KSR2: variants seen among roughly 807,000 people sequenced by gnomAD.
The protein encoded by KSR2 is kinase suppressor of ras 2.
A neutral mutation model predicts 107.8 loss-of-function variants in KSR2; 25 were observed. The ratio of observed to expected loss-of-function variants is 0.23; its 90% CI spans 0.17 to 0.32. KSR2 has a LOEUF of 0.32. Among genes scored for constraint, KSR2 ranks in the 10% least tolerant of loss-of-function variants. The pLI, the probability that KSR2 is intolerant of heterozygous loss-of-function variation, is 1.00. For synonymous variants in KSR2, 480 were observed against 507.0 expected (o/e 0.95, Z 0.71); for missense variants, 887 against 1,268.9 (o/e 0.70, Z 4.57).
Position 117,650,371 on chromosome 12 carries a change from G to A in KSR2, c.1171+17103C>T, listed in dbSNP as rs567482028. ...CAGCCTATTGTGGGACCTTGTGATCGTGTAAGTTAATATTTAATAAACTCA... is the reference window on the plus strand; with the variant it reads ...CAGCCTATTGTGGGACCTTGTGATCATGTAAGTTAATATTTAATAAACTCA... On this transcript the variant is annotated intron_variant, in intron 5 of 19. Coordinates refer to ENST00000339824, the MANE Select transcript of KSR2 (RefSeq NM_173598.6). Among the ~76,000 whole-genome samples the A allele has an allele frequency of 8.2e-4, 125 of 152,246 alleles. 1 individual carries two copies. In the South Asian group the frequency reaches 0.02, roughly 24 times the overall value.
chr12:117,477,747 A>G (rs1871877819), intron 16 of KSR2, among the ~76,000 whole-genome samples: 1 of 152,244 alleles, frequency 6.6e-6, no homozygotes, highest in African/African-American at 2.4e-5. Flanking sequence ...TAATTGGAAC[A>G]CATCATCCCA....
At chr12:117,738,610 C>T (rs914886079) in intron 4 of KSR2, among the ~76,000 whole-genome samples, 2 of 152,208 alleles carry the variant, frequency 1.3e-5, no homozygotes, top group African/African-American at 4.8e-5. Flanking sequence ...CATGGTGGCT[C>T]ATGCCTGTAA....
chr12:117,542,140 C>G (rs1019485126), intron 9 of KSR2, among the ~76,000 whole-genome samples: 7 of 152,030 alleles, frequency 4.6e-5, no homozygotes, highest in South Asian at 2.1e-4. Flanking sequence ...GATCCTCCCC[C>G]CTCAGCCTCC....
At chr12:117,803,650 C>T (rs1307944784) in intron 3 of KSR2, among the ~76,000 whole-genome samples, 1 of 152,150 alleles carries the variant, frequency 6.6e-6, no homozygotes, top group Non-Finnish European at 1.5e-5. Context: ...TTGCAATGAG[C>T]CGAGATCGCA....
chr12:117,769,910 C>T (rs980899354), intron 3 of KSR2, among the ~76,000 whole-genome samples: 2 of 152,042 alleles, frequency 1.3e-5, no homozygotes, highest in Admixed American at 6.6e-5. Flanking sequence ...AAAAATTAGC[C>T]AGGTATGGTG....
chr12:117,900,212 T>C (rs2137390820), intron 1 of KSR2, among the ~76,000 whole-genome samples: 1 of 152,354 alleles, frequency 6.6e-6, no homozygotes, highest in South Asian at 2.1e-4. Context: ...CCTTGACTAC[T>C]TATCCAGAGA....
intron 6 of KSR2, 118 bp downstream of exon 6, chr12:117,582,172 T>A: frequency 1.3e-6 from 1 of 766,792 alleles, no homozygotes; most frequent in Non-Finnish European, 2.2e-6. Flanking sequence ...AGGGACATGG[T>A]GATGTAGGTG....
At chr12:117,853,995 T>C (rs908653407) in intron 3 of KSR2, among the ~76,000 whole-genome samples, 2 of 152,038 alleles carry the variant, frequency 1.3e-5, no homozygotes, top group African/African-American at 4.8e-5. Context: ...CCCCAGTGCA[T>C]GGTCTGCCCC....
At chr12:117,515,446 A>C (rs898513682) in intron 14 of KSR2, among the ~76,000 whole-genome samples, 2 of 152,194 alleles carry the variant, frequency 1.3e-5, no homozygotes, top group African/African-American at 4.8e-5. Context: ...AATCCATTCA[A>C]CAAGTATGTA....
intron 3 of KSR2, among the ~76,000 whole-genome samples, chr12:117,844,805 T>C (rs1391327577): frequency 6.6e-6 from 1 of 152,198 alleles, no homozygotes; most frequent in Non-Finnish European, 1.5e-5. Context: ...GATTTGAGCT[T>C]GACTCCTGTG....
intron 4 of KSR2, among the ~76,000 whole-genome samples, chr12:117,717,784 T>C (rs189058155): frequency 1.3e-5 from 2 of 151,924 alleles, no homozygotes; most frequent in East Asian, 3.9e-4. Context: ...ACAAAGATGG[T>C]TTCAGGATAG....
chr12:117,778,940 T>C (rs986026530), intron 3 of KSR2, among the ~76,000 whole-genome samples: 1 of 152,246 alleles, frequency 6.6e-6, no homozygotes, highest in African/African-American at 2.4e-5. Context: ...CCTTATGTGC[T>C]GCAAGGTGCC....
chr12:117,849,565 A>G (rs1892840550), intron 3 of KSR2, among the ~76,000 whole-genome samples: 1 of 152,224 alleles, frequency 6.6e-6, no homozygotes, highest in South Asian at 2.1e-4. Context: ...CTATGAGAAG[A>G]GAAAAATGAG....
intron 5 of KSR2, among the ~76,000 whole-genome samples, chr12:117,641,716 G>T (rs1312416742): frequency 6.6e-6 from 1 of 152,036 alleles, no homozygotes; most frequent in African/African-American, 2.4e-5. Flanking sequence ...CTTTTTTAAT[G>T]GGGGGCACAA....
intron 7 of KSR2, among the ~76,000 whole-genome samples, chr12:117,561,835 A>G (rs1355889988): frequency 6.6e-6 from 1 of 152,172 alleles, no homozygotes; most frequent in Admixed American, 6.5e-5. Context: ...CCCCCATGGG[A>G]AAGCTCATGA....
intron 3 of KSR2, among the ~76,000 whole-genome samples, chr12:117,821,028 T>C (rs1428655778): frequency 2.6e-5 from 4 of 152,192 alleles, no homozygotes; most frequent in Non-Finnish European, 5.9e-5. Context: ...TCCTTCTCTG[T>C]GAGACTCTGG....
intron 3 of KSR2, among the ~76,000 whole-genome samples, chr12:117,782,031 T>C (rs1169360304): frequency 6.6e-6 from 1 of 152,182 alleles, no homozygotes; most frequent in Non-Finnish European, 1.5e-5. Flanking sequence ...TTACCAACCC[T>C]GTAGGGCAGT....
At chr12:117,523,835 G>A (rs907299368) in intron 14 of KSR2, among the ~76,000 whole-genome samples, 3 of 152,158 alleles carry the variant, frequency 2.0e-5, no homozygotes, top group African/African-American at 7.2e-5. Context: ...AGCCAGGCAT[G>A]GTGGCACATG....
chr12:117,742,891 C>T (rs1172005450), intron 4 of KSR2, among the ~76,000 whole-genome samples: 2 of 152,200 alleles, frequency 1.3e-5, no homozygotes, highest in African/African-American at 4.8e-5. Context: ...AAGAAATCCA[C>T]ATATCATTGA....
Sources: allele counts gnomAD v4.1 joint callset (sites outside exome capture counted in the v4.1 genomes callset), GRCh38; gene constraint gnomAD v4.1.1; transcripts MANE v1.5; gene names NCBI Gene and HGNC (gene_info 2026-07-23, HGNC 2026-07-21).